SCN8A: variants seen among roughly 807,000 people sequenced by gnomAD.
The protein encoded by SCN8A is sodium voltage-gated channel alpha subunit 8, also known as sodium channel protein type 8 subunit alpha.
In SCN8A, 30 loss-of-function variants were observed where a neutral mutation model predicts 184.1. The observed-to-expected ratio is 0.16, with a 90% CI of 0.12 to 0.22. SCN8A has a LOEUF of 0.22. Among genes scored for constraint, SCN8A ranks in the 10% least tolerant of loss-of-function variants. SCN8A has a pLI of 1.00. For missense variants in SCN8A, 1,057 were observed against 2,498.9 expected (o/e 0.42, Z 12.30); for synonymous variants, 852 against 907.0 (o/e 0.94, Z 1.09).
chr12:51,619,663 T>TA (rs1415490901), intron 1 of SCN8A, among the ~76,000 whole-genome samples: 1 of 152,128 alleles, frequency 6.6e-6, no homozygotes, highest in Admixed American at 6.5e-5. Flanking sequence ...TGGAAAAAAA[T>TA]AAAAAGGATT....
intron 1 of SCN8A, among the ~76,000 whole-genome samples, chr12:51,608,371 CT>C (rs1209788034): frequency 3.3e-5 from 5 of 150,966 alleles, no homozygotes; most frequent in East Asian, 1.9e-4. Flanking sequence ...TGGTCCTGGA[CT>C]TTTTTTTTAT....
chr12:51,812,449 G>A lies in SCN8A; in HGVS notation c.*5020G>A, dbSNP rs1245765659. The A allele has an allele frequency of 2.0e-5, 3 of 152,338 alleles. No individual in the cohort carries two copies. The highest frequency in any genetic ancestry group is 7.2e-5 in the African/African-American group (3 of 41,436). The allele number at this position is 152,338 out of a possible 1,614,324, so 9.4% of individuals were successfully genotyped here. ...GCTTTAACTAAATGTTTTGTAAAGC[G>A]TTTTGAGATACAGAGGCAAAGGCGC... On this transcript the variant is annotated 3_prime_UTR_variant, in exon 27 of 27. Transcript: ENST00000627620.
In SCN8A at chr12:51,810,120, G is replaced by A. The variant is rs910437446; in HGVS notation, c.*2691G>A. On this transcript the variant is annotated 3_prime_UTR_variant, in exon 27 of 27. Coordinates refer to ENST00000627620, the MANE Select transcript of SCN8A (RefSeq NM_001330260.2). ...GATGAGATTTTTCTGAGATCTAACC[G>A]TTTCCCTCCGCTAGCTCCTGACCCC... 3.3e-5 allele frequency: 6 copies of A among 183,350 alleles called. No homozygotes were observed. The highest frequency in any genetic ancestry group is 3.5e-5 in the Non-Finnish European group (3 of 85,388). The allele number at this position is 183,350 out of a possible 1,614,324, so 11.4% of individuals were successfully genotyped here. A position where few individuals can be genotyped will look rare whatever the true frequency, so the allele number is the denominator to read the frequency against.
chr12:51,792,476 G>A (rs548887145), intron 25 of SCN8A, among the ~76,000 whole-genome samples: 21 of 119,350 alleles, frequency 1.8e-4, no homozygotes, highest in African/African-American at 6.4e-4. Flanking sequence ...GGAAGACAGC[G>A]AGACCCTATC....
chr12:51,624,263 T>C (rs1204612672), intron 1 of SCN8A, among the ~76,000 whole-genome samples: 1 of 152,206 alleles, frequency 6.6e-6, no homozygotes, highest in Non-Finnish European at 1.5e-5. Context: ...CCACATCCTC[T>C]CTAGCACCTG....
chr12:51,695,554 C>T (rs1343491743), intron 6 of SCN8A, among the ~76,000 whole-genome samples: 1 of 152,190 alleles, frequency 6.6e-6, no homozygotes, highest in African/African-American at 2.4e-5. Flanking sequence ...GGCTGGAATG[C>T]ACTTGTGCTT....
At chr12:51,628,894 T>C (rs1290661009) in intron 1 of SCN8A, among the ~76,000 whole-genome samples, 1 of 152,220 alleles carries the variant, frequency 6.6e-6, no homozygotes, top group Admixed American at 6.5e-5. Context: ...GATGTAGACA[T>C]GATTACCTGG....
chr12:51,791,352 C>T (rs768014686), intron 25 of SCN8A, among the ~76,000 whole-genome samples: 19 of 152,144 alleles, frequency 1.2e-4, no homozygotes, highest in Non-Finnish European at 2.2e-4. Flanking sequence ...ACACGCCGCA[C>T]GTGGTACATC....
At chr12:51,597,684 A>G (rs1362250691) in intron 1 of SCN8A, among the ~76,000 whole-genome samples, 1 of 152,176 alleles carries the variant, frequency 6.6e-6, no homozygotes, top group African/African-American at 2.4e-5. Context: ...TTCTCTCCTT[A>G]TTTTAATAGT....
chr12:51,650,569 G>A (rs190229254), intron 1 of SCN8A, among the ~76,000 whole-genome samples: 43 of 146,960 alleles, frequency 2.9e-4, no homozygotes, highest in Admixed American at 9.7e-4. Flanking sequence ...CAGTGCAGTG[G>A]TGTGATCTTG....
intron 26 of SCN8A, among the ~76,000 whole-genome samples, chr12:51,795,313 G>A (rs771314627): frequency 4.6e-5 from 7 of 152,184 alleles, no homozygotes; most frequent in African/African-American, 1.4e-4. Flanking sequence ...CTAAAAGTGT[G>A]GGGGGATGAT....
chr12:51,732,029 A>G (rs1369253874), intron 12 of SCN8A, among the ~76,000 whole-genome samples: 1 of 152,014 alleles, frequency 6.6e-6, no homozygotes, highest in Non-Finnish European at 1.5e-5. Context: ...TTGTCTGTTC[A>G]CTTTGTTGAT....
Position 51,712,980 on chromosome 12 carries a change from G to A in SCN8A, c.1635+6265G>A, listed in dbSNP as rs188238138. On this transcript the variant is annotated intron_variant, in intron 11 of 26. Coordinates refer to ENST00000627620, the MANE Select transcript of SCN8A (RefSeq NM_001330260.2). ...CTCCACGACCTGTCCGTGATCCAGC[G>A]GACTGCATCTCTTGTTTAGAAAGGG... 356 of 1,588,392 alleles carry A rather than the reference G, an allele frequency of 2.2e-4. 2 individuals carry two copies. In the East Asian group the frequency reaches 5.1e-3, roughly 23 times the overall value.
chr12:51,773,874 TA>T (rs1942968041), intron 19 of SCN8A, among the ~76,000 whole-genome samples: 1 of 151,738 alleles, frequency 6.6e-6, no homozygotes, highest in South Asian at 2.1e-4. Context: ...GTTGGGGGTT[TA>T]GGGGGTGATA....
intron 20 of SCN8A, 45 bp downstream of exon 20, chr12:51,774,407 CAGAAACAGGG>C: frequency 6.5e-7 from 1 of 1,543,646 alleles, no homozygotes. Context: ...AGCAGGAACA[CAGAAACAGGG>C]GTCTCTCTTT....
Position 51,716,728 on chromosome 12 carries a change from A to G in SCN8A, c.1636-4818A>G, listed in dbSNP as rs192978734. On this transcript the variant is annotated intron_variant, in intron 11 of 26. Transcript: ENST00000627620. Reference sequence around the variant, plus strand: ...TTCCTGGCCATATTTCTCCGCAGTGACGCCCTCAAGAGAGATATATGTGCC... The same window carrying G: ...TTCCTGGCCATATTTCTCCGCAGTGGCGCCCTCAAGAGAGATATATGTGCC... Among the ~76,000 whole-genome samples the G allele has an allele frequency of 5.0e-3, 768 of 152,260 alleles. 4 individuals are homozygous for G. Among genetic ancestry groups the G allele is most frequent in the Non-Finnish European group, 8.8e-3 (601 of 68,018 alleles).
chr12:51,766,542 C>T (rs1488475338), intron 16 of SCN8A, among the ~76,000 whole-genome samples: 2 of 152,198 alleles, frequency 1.3e-5, no homozygotes, highest in African/African-American at 4.8e-5. Flanking sequence ...CAGACATTGC[C>T]AGATGTCCCT....
Position 51,774,290 on chromosome 12 carries a change from C to T in SCN8A, c.3747C>T (p.Leu1249=). 6.2e-7 allele frequency: 1 copy of T among 1,614,066 alleles called. No individual in the cohort carries two copies. Among genetic ancestry groups the T allele is most frequent in the Non-Finnish European group, 8.5e-7 (1 of 1,179,954 alleles). ...FTYIFILEML[L]KWTAYGFVKF... is the part of the protein sequence containing the mutation. ...ATATCTTCATCCTGGAGATGTTGCT[C>T]AAGTGGACAGCCTATGGCTTCGTCA... The change falls in exon 20 of 27, where the codon CTC becomes CTT. Residue 1249 remains leucine, a synonymous_variant. Coordinates refer to ENST00000627620, the MANE Select transcript of SCN8A (RefSeq NM_001330260.2).
chr12:51,660,038 G>A (rs571842343), intron 1 of SCN8A, among the ~76,000 whole-genome samples: 1 of 152,308 alleles, frequency 6.6e-6, no homozygotes, highest in Non-Finnish European at 1.5e-5. Context: ...TTGAATAAAT[G>A]AGATCCCTAA....
Sources: gnomAD v4.1 joint callset for allele counts (sites outside exome capture counted in the v4.1 genomes callset) on GRCh38, gnomAD v4.1.1 for gene constraint, MANE v1.5 for transcripts, NCBI Gene and HGNC (gene_info 2026-07-23, HGNC 2026-07-21) for gene names.